The following ASB15 variants were observed in gnomAD, a reference collection of about 807,000 sequenced individuals.
ASB15 encodes the protein ankyrin repeat and SOCS box containing 15.
A neutral mutation model predicts 58.0 loss-of-function variants in ASB15; 54 were observed. That is an observed-to-expected ratio of 0.93 (90% CI 0.75 to 1.17). ASB15 has a LOEUF of 1.17. Among genes scored for constraint, ASB15 ranks in the 50% most tolerant of loss-of-function variants. The probability of loss-of-function intolerance (pLI) is 0.00; values close to 1 mark genes in which losing one functional copy is unlikely to be tolerated. For synonymous variants in ASB15, 249 were observed against 262.4 expected, an observed-to-expected ratio of 0.95 and a Z score of 0.50; for missense variants, 680 against 707.4, an observed-to-expected ratio of 0.96 and a Z score of 0.44.
chr7:123,573,804 T>A (rs1192023891), intron 1 of ASB15, among the ~76,000 whole-genome samples: 1 of 152,116 alleles, frequency 6.6e-6, no homozygotes, highest in Admixed American at 6.5e-5. Context: ...GTAGCTTCAA[T>A]CATTTAAAAG....
rs1423358635 is a variant in ASB15, at chr7:123,617,702, C to CA, written c.422dup (p.Asn141LysfsTer2). The CA allele has an allele frequency of 7.4e-6, 12 of 1,612,306 alleles. No individual in the cohort carries two copies. The highest frequency in any genetic ancestry group is 5.0e-5 in the Admixed American group (3 of 59,836). On this transcript the variant is annotated frameshift_variant, in exon 7 of 12. Transcript: ENST00000451215. LOFTEE classifies it high-confidence loss of function. ...TTAGAAAAGGGAGTGTGGCCCAACA[C>CA]AAAAAATGATAAAGGAGAGACCCCC...
chr7:123,579,222 G>A (rs1380902949), intron 1 of ASB15, among the ~76,000 whole-genome samples: 2 of 151,966 alleles, frequency 1.3e-5, no homozygotes, highest in African/African-American at 2.4e-5. Context: ...TGCTGAAAAG[G>A]ACATGATTTC....
At chr7:123,573,025 T>A (rs1218679682) in intron 1 of ASB15, among the ~76,000 whole-genome samples, 1 of 152,142 alleles carries the variant, frequency 6.6e-6, no homozygotes, top group African/African-American at 2.4e-5. Flanking sequence ...TTTAACAACA[T>A]CTAAATGTGA....
chr7:123,614,656 C>A, intron 4 of ASB15, 47 bp downstream of exon 4: 2 of 1,218,778 alleles, frequency 1.6e-6, no homozygotes, highest in Non-Finnish European at 2.4e-6. Flanking sequence ...TTATGGCATT[C>A]ATTTTGTTGT....
chr7:123,610,326 T>C (rs1800370257), intron 3 of ASB15, among the ~76,000 whole-genome samples: 1 of 152,208 alleles, frequency 6.6e-6, no homozygotes, highest in Admixed American at 6.5e-5. Flanking sequence ...TAAAACAAGG[T>C]AATATATGCA....
chr7:123,639,194 T>C lies in ASB15; in HGVS notation c.*2213T>C, dbSNP rs547694722. ...AAAGTTTTCAAGTTGTATTTAGCTT[T>C]AGTTACCTTTGAAAGATAAATAAGT... On this transcript the variant is annotated 3_prime_UTR_variant, in exon 12 of 12. Transcript: ENST00000451215. The C allele has an allele frequency of 1.9e-4, 29 of 152,256 alleles. No homozygotes were observed. The highest frequency in any genetic ancestry group is 6.7e-4 in the African/African-American group (28 of 41,568). 9.4% of individuals were successfully genotyped at this position (152,256 alleles called of 1,614,324 possible). A position where few individuals can be genotyped will look rare whatever the true frequency, so the allele number is the denominator to read the frequency against.
intron 11 of ASB15, among the ~76,000 whole-genome samples, chr7:123,632,563 G>A (rs186097981): frequency 1.3e-4 from 20 of 152,164 alleles, no homozygotes; most frequent in Non-Finnish European, 2.4e-4. Context: ...AGTGTACACT[G>A]TACCCAATGT....
At chr7:123,573,794 G>A (rs1263077602) in intron 1 of ASB15, among the ~76,000 whole-genome samples, 1 of 151,876 alleles carries the variant, frequency 6.6e-6, no homozygotes, top group Non-Finnish European at 1.5e-5. Flanking sequence ...CAATAGCTTT[G>A]TAGCTTCAAT....
chr7:123,612,704 C>T (rs1800537981), intron 3 of ASB15, among the ~76,000 whole-genome samples: 4 of 152,162 alleles, frequency 2.6e-5, no homozygotes, highest in Admixed American at 2.6e-4. Context: ...AAAAAAGAAA[C>T]TCCATATCCA....
At chr7:123,626,929 G>T (rs969054360) in intron 8 of ASB15, among the ~76,000 whole-genome samples, 181 bp from the exon 9 acceptor site, 3 of 152,042 alleles carry the variant, frequency 2.0e-5, no homozygotes, top group East Asian at 3.9e-4. Context: ...GTTGAGACAG[G>T]GTTTCACCAT....
intron 2 of ASB15, among the ~76,000 whole-genome samples, chr7:123,607,170 T>C (rs1300384125): frequency 2.0e-5 from 3 of 152,320 alleles, no homozygotes; most frequent in Middle Eastern, 3.4e-3. Flanking sequence ...ATACATATAA[T>C]TTTAAATTGT....
intron 7 of ASB15, among the ~76,000 whole-genome samples, chr7:123,620,883 A>C (rs1370862685): frequency 6.6e-6 from 1 of 151,676 alleles, no homozygotes; most frequent in East Asian, 2.0e-4. Context: ...TTATTTTTTA[A>C]AGGCCAGAAT....
chr7:123,614,903 T>G (rs549015588), intron 4 of ASB15, among the ~76,000 whole-genome samples: 14 of 152,204 alleles, frequency 9.2e-5, no homozygotes, highest in Admixed American at 2.0e-4. Flanking sequence ...CAAAGGGCAA[T>G]GAGTAATTTG....
At chr7:123,596,840 G>C (rs1433672571), upstream of ASB15, among the ~76,000 whole-genome samples, 1 of 152,138 alleles carries the variant, frequency 6.6e-6, no homozygotes, top group Non-Finnish European at 1.5e-5. Context: ...TATTTTCAGA[G>C]AGAATAGAGT....
At chr7:123,599,469 T>C (rs952963902), upstream of ASB15, among the ~76,000 whole-genome samples, 1 of 152,280 alleles carries the variant, frequency 6.6e-6, no homozygotes, top group South Asian at 2.1e-4. Flanking sequence ...GCAAGAGCTG[T>C]TTTTTAAAAT....
In ASB15 at chr7:123,616,300, G is replaced by A. The variant is rs1800812324; in HGVS notation, c.160+27G>A. 2.5e-6 allele frequency: 4 copies of A among 1,607,982 alleles called. No homozygotes were observed. The African/African-American group carries it at 5.4e-5, about 22-fold the overall frequency. ...TAAATGGGTGTACTATCTACAGTGGGATGGACTGGAGATTCCACCTTGCAA... is the reference window on the plus strand; with the variant it reads ...TAAATGGGTGTACTATCTACAGTGGAATGGACTGGAGATTCCACCTTGCAA... On this transcript the variant is annotated intron_variant, in intron 5 of 11. Coordinates refer to ENST00000451215, the MANE Select transcript of ASB15 (RefSeq NM_001290258.2).
chr7:123,589,523 C>G (rs1799473103), intron 1 of ASB15, among the ~76,000 whole-genome samples: 1 of 151,858 alleles, frequency 6.6e-6, no homozygotes, highest in Non-Finnish European at 1.5e-5. Context: ...CTCTCTGTCC[C>G]TGTGTTCTCA....
intron 11 of ASB15, among the ~76,000 whole-genome samples, chr7:123,634,010 C>T (rs151045372): frequency 3.5e-4 from 53 of 152,206 alleles, no homozygotes; most frequent in African/African-American, 1.2e-3. Flanking sequence ...TTTAAATATA[C>T]GATTGGTGGG....
At chr7:123,597,917 CGTGTGTGTGTGTGT>C (rs61508655), upstream of ASB15, among the ~76,000 whole-genome samples, 37 of 133,070 alleles carry the variant, frequency 2.8e-4, no homozygotes, top group African/African-American at 5.5e-4. Context: ...TTTCAAACTT[CGTGTGTGTGTGTGT>C]GTGTGTGTGT....
Sources: gnomAD v4.1 joint callset for allele counts (sites outside exome capture counted in the v4.1 genomes callset) on GRCh38, gnomAD v4.1.1 for gene constraint, MANE v1.5 for transcripts, NCBI Gene and HGNC (gene_info 2026-07-23, HGNC 2026-07-21) for gene names.